Variants in INPP5A observed in about 807,000 individuals in gnomAD.
The protein encoded by INPP5A is 43 kDa inositol polyphosphate 5-phophatase.
INPP5A carries 14 observed loss-of-function variants against 65.2 expected under a neutral mutation model. The ratio of observed to expected loss-of-function variants is 0.21; its 90% CI spans 0.14 to 0.34. The LOEUF (loss-of-function observed/expected upper bound fraction) is 0.34, where lower values mean the gene tolerates loss of function less well. Among genes scored for constraint, INPP5A ranks in the 10% least tolerant of loss-of-function variants. INPP5A has a pLI of 1.00. For missense variants in INPP5A, 431 were observed against 545.6 expected, an observed-to-expected ratio of 0.79 and a Z score of 2.09; for synonymous variants, 207 against 208.3, an observed-to-expected ratio of 0.99 and a Z score of 0.05.
chr10:132,673,902 A>G (rs2072927868), intron 4 of INPP5A, among the ~76,000 whole-genome samples: 1 of 152,198 alleles, frequency 6.6e-6, no homozygotes, highest in Non-Finnish European at 1.5e-5. Context: ...CTGCTGGCAA[A>G]TTGGGCACTC....
chr10:132,639,153 C>G (rs2072396120), intron 2 of INPP5A, among the ~76,000 whole-genome samples: 1 of 152,156 alleles, frequency 6.6e-6, no homozygotes, highest in African/African-American at 2.4e-5. Flanking sequence ...GAGATCCAAG[C>G]TGCCCCCAGA....
chr10:132,764,211 T>A (rs1050127505), intron 11 of INPP5A, among the ~76,000 whole-genome samples: 9 of 152,238 alleles, frequency 5.9e-5, no homozygotes, highest in African/African-American at 2.2e-4. Context: ...GATTGCCCAT[T>A]TCAGGGATAA....
At chr10:132,759,243 CT>C (rs1846686880) in intron 11 of INPP5A, among the ~76,000 whole-genome samples, 1 of 152,188 alleles carries the variant, frequency 6.6e-6, no homozygotes, top group Non-Finnish European at 1.5e-5. Flanking sequence ...TCAGTGCCAG[CT>C]TGGATGCACC....
intron 12 of INPP5A, among the ~76,000 whole-genome samples, chr10:132,769,879 G>A (rs1365447493): frequency 6.6e-6 from 1 of 152,048 alleles, no homozygotes; most frequent in East Asian, 1.9e-4. Context: ...CACCCCAGTG[G>A]TAGCATGGAG....
intron 11 of INPP5A, among the ~76,000 whole-genome samples, chr10:132,750,813 G>C (rs908827675): frequency 1.3e-5 from 2 of 152,224 alleles, no homozygotes; most frequent in African/African-American, 4.8e-5. Flanking sequence ...CGCTGCGTCA[G>C]GGCAGGTGGC....
intron 1 of INPP5A, among the ~76,000 whole-genome samples, chr10:132,579,013 G>A (rs1255593310): frequency 2.0e-5 from 3 of 152,218 alleles, no homozygotes; most frequent in South Asian, 2.1e-4. Context: ...TCGTCCTCTT[G>A]TGCCTCGGTT....
At chr10:132,544,018 G>C (rs943351567) in intron 1 of INPP5A, among the ~76,000 whole-genome samples, 1 of 152,216 alleles carries the variant, frequency 6.6e-6, no homozygotes, top group African/African-American at 2.4e-5. Flanking sequence ...GACGTGGTGA[G>C]TTCGTATTTA....
At chr10:132,754,511 C>G (rs1003902307) in intron 11 of INPP5A, among the ~76,000 whole-genome samples, 16 of 152,246 alleles carry the variant, frequency 1.1e-4, no homozygotes, top group Admixed American at 7.8e-4. Flanking sequence ...AGAGGACAGC[C>G]TGGGGCCCTC....
intron 1 of INPP5A, among the ~76,000 whole-genome samples, chr10:132,579,539 A>G (rs2071454983): frequency 6.6e-6 from 1 of 151,956 alleles, no homozygotes. Context: ...AACTGGGCTG[A>G]TGCTTGCTGT....
In INPP5A at chr10:132,551,484, A is replaced by T. The variant is rs1016918111; in HGVS notation, c.75+13313A>T. Among the ~76,000 whole-genome samples the T allele has an allele frequency of 2.0e-5, 3 of 152,212 alleles. No homozygotes were observed. Among genetic ancestry groups the T allele is most frequent in the Non-Finnish European group, 2.9e-5 (2 of 68,022 alleles). On this transcript the variant is annotated intron_variant, in intron 1 of 15. Coordinates refer to ENST00000368594, the MANE Select transcript of INPP5A (RefSeq NM_005539.5). The surrounding 1 kb of genome is among the most constrained non-coding windows in gnomAD (Gnocchi z 5.3). ...CAAAGTGGACCAGCCACTGTGGGTCATGTGGGGGGATTTGGGTGGGACTCT... is the reference window on the plus strand; with the variant it reads ...CAAAGTGGACCAGCCACTGTGGGTCTTGTGGGGGGATTTGGGTGGGACTCT...
At chr10:132,737,159 G>A (rs535494221) in intron 9 of INPP5A, among the ~76,000 whole-genome samples, 2 of 152,328 alleles carry the variant, frequency 1.3e-5, no homozygotes, top group East Asian at 1.9e-4. Context: ...GCCCTCCAAA[G>A]CCCTGCACCA....
At chr10:132,778,302 ATTTTTTTTTTTT>A (rs57172206) in intron 13 of INPP5A, among the ~76,000 whole-genome samples, 48 of 72,960 alleles carry the variant, frequency 6.6e-4, no homozygotes, top group Non-Finnish European at 1.1e-3. Context: ...TTTAATAATA[ATTTTTTTTTTTT>A]TTTTTTTTTT....
intron 4 of INPP5A, among the ~76,000 whole-genome samples, chr10:132,684,790 C>T (rs985340281): frequency 6.6e-6 from 1 of 152,328 alleles, no homozygotes; most frequent in South Asian, 2.1e-4. Context: ...ATGTTTGCCA[C>T]TGGCCCTCAC....
chr10:132,549,255 G>A lies in INPP5A; in HGVS notation c.75+11084G>A, dbSNP rs376048160. On this transcript the variant is annotated intron_variant, in intron 1 of 15. Coordinates refer to ENST00000368594, the MANE Select transcript of INPP5A (RefSeq NM_005539.5). This position sits in a 1 kb window ranked among gnomAD's most constrained non-coding sequence, Gnocchi z 4.9. ...GGGTGTCACTGCTCTAGGGCTGGCC[G>A]AGTGGTCACTCTGTGGCTGTCTTTC... is the stretch of plus-strand genomic sequence containing the variant. 6.3e-4 allele frequency among the ~76,000 whole-genome samples: 96 copies of A among 152,292 alleles called. No homozygotes were observed. In the South Asian group the frequency reaches 0.018, roughly 28 times the overall value.
intron 1 of INPP5A, among the ~76,000 whole-genome samples, chr10:132,553,288 T>G (rs949192647): frequency 1.3e-4 from 17 of 129,632 alleles, no homozygotes; most frequent in Non-Finnish European, 2.3e-4. Context: ...AGAGCCTTGG[T>G]GGAATATTGG....
intron 4 of INPP5A, among the ~76,000 whole-genome samples, chr10:132,686,188 G>A (rs770379320): frequency 1.8e-4 from 27 of 152,274 alleles, no homozygotes; most frequent in Admixed American, 1.2e-3. Context: ...TCGACTTTTC[G>A]GTGCCCCAGG....
intron 2 of INPP5A, among the ~76,000 whole-genome samples, chr10:132,614,547 C>T (rs1010760602): frequency 6.6e-5 from 10 of 152,220 alleles, no homozygotes; most frequent in African/African-American, 2.4e-4. Context: ...TCCACCCGTC[C>T]AGGTTCCGTC....
chr10:132,680,493 G>A (rs371372429), intron 4 of INPP5A, among the ~76,000 whole-genome samples: 56 of 152,370 alleles, frequency 3.7e-4, no homozygotes, highest in East Asian at 2.5e-3. Flanking sequence ...AGGTGACAGC[G>A]TGCTGGCAGT....
Position 132,650,597 on chromosome 10 carries a change from G to T in INPP5A, c.306+92G>T, listed in dbSNP as rs781079747. 5.3e-5 allele frequency: 48 copies of T among 900,720 alleles called. No homozygotes were observed. Among genetic ancestry groups the T allele is most frequent in the Non-Finnish European group, 8.3e-5 (46 of 553,612 alleles). 55.8% of individuals were successfully genotyped at this position (900,720 alleles called of 1,614,324 possible). ...CCTGTGTAAATGGAGAGAGGTCGGG[G>T]TGCTCCCTGCCTGAAGCCTCACTCA... On this transcript the variant is annotated intron_variant, in intron 4 of 15. Transcript: ENST00000368594. This position sits in a 1 kb window ranked among gnomAD's most constrained non-coding sequence, Gnocchi z 5.5.
Sources: allele counts gnomAD v4.1 joint callset (sites outside exome capture counted in the v4.1 genomes callset), GRCh38; gene constraint gnomAD v4.1.1; non-coding constraint Gnocchi (gnomAD v3.1); transcripts MANE v1.5; gene names NCBI Gene and HGNC (gene_info 2026-07-23, HGNC 2026-07-21).